Variants in SFI1 observed in about 807,000 individuals in gnomAD.
The protein encoded by SFI1 is protein SFI1 homolog.
Under a neutral mutation model 207.5 loss-of-function variants are expected in SFI1, and 195 were observed. The ratio of observed to expected loss-of-function variants is 0.94; its 90% CI spans 0.84 to 1.06. The LOEUF is 1.06. Among genes scored for constraint, SFI1 ranks in the 50% least tolerant of loss-of-function variants. The pLI, the probability that SFI1 is intolerant of heterozygous loss-of-function variation, is 0.00. For missense variants in SFI1, 1,634 were observed against 1,588.0 expected (o/e 1.03, Z -0.49); for synonymous variants, 630 against 598.9 (o/e 1.05, Z -0.76).
At position 31,556,800 on chromosome 22, in the gene SFI1, G is replaced by A. The variant is rs530999061; in HGVS notation, c.545-142G>A. ...TTCTTGCACTCTAATTAATTTTCTA[G>A]TGCTTCACAACTTTTCCAGCAGGGG... On this transcript the variant is annotated intron_variant, in intron 6 of 32. Coordinates refer to ENST00000400288, the MANE Select transcript of SFI1 (RefSeq NM_001007467.3). 2.0e-4 allele frequency: 104 copies of A among 529,486 alleles called. 1 individual carries two copies. In the South Asian group the frequency reaches 2.7e-3, roughly 14 times the overall value. 32.8% of individuals were successfully genotyped at this position (529,486 alleles called of 1,614,324 possible). A position where few individuals can be genotyped will look rare whatever the true frequency, so the allele number is the denominator to read the frequency against.
intron 15 of SFI1, among the ~76,000 whole-genome samples, chr22:31,599,516 A>C (rs532887161): frequency 6.6e-5 from 10 of 152,176 alleles, no homozygotes; most frequent in African/African-American, 2.4e-4. Flanking sequence ...TAGTAGAGAC[A>C]GGGTTTCACC....
At chr22:31,533,254 G>A (rs189516482) in intron 4 of SFI1, among the ~76,000 whole-genome samples, 3 of 152,268 alleles carry the variant, frequency 2.0e-5, no homozygotes, top group African/African-American at 4.8e-5. Flanking sequence ...CGGGCCGGGC[G>A]TGGTGGCTCC....
intron 15 of SFI1, among the ~76,000 whole-genome samples, chr22:31,593,981 C>T (rs1317137812): frequency 6.1e-5 from 5 of 82,136 alleles, no homozygotes; most frequent in East Asian, 7.5e-4. Context: ...CATGGGGAGA[C>T]GGAGACGAGG....
intron 15 of SFI1, among the ~76,000 whole-genome samples, chr22:31,596,146 C>T (rs935978977): frequency 6.6e-5 from 10 of 151,998 alleles, no homozygotes; most frequent in Admixed American, 6.6e-4. Flanking sequence ...CCAGCTACTC[C>T]GGAGGCTGAG....
intron 8 of SFI1, among the ~76,000 whole-genome samples, chr22:31,563,505 C>T (rs978347392): frequency 1.3e-5 from 2 of 152,130 alleles, no homozygotes; most frequent in African/African-American, 2.4e-5. Context: ...TTCTAAGAGC[C>T]ACTTTGAGAG....
chr22:31,497,058 C>G (rs1449478678), intron 1 of SFI1, among the ~76,000 whole-genome samples: 1 of 152,182 alleles, frequency 6.6e-6, no homozygotes, highest in Admixed American at 6.5e-5. Flanking sequence ...GACCTTACTC[C>G]CACTGAGCCC....
intron 24 of SFI1, 89 bp from the exon 25 acceptor site, chr22:31,613,053 C>A: frequency 7.0e-7 from 1 of 1,421,970 alleles, no homozygotes; most frequent in South Asian, 1.3e-5. Flanking sequence ...AGAGAGGGAG[C>A]CAAGAGGGAC....
intron 2 of SFI1, among the ~76,000 whole-genome samples, chr22:31,511,802 G>T (rs1372872552): frequency 2.0e-5 from 3 of 151,900 alleles, no homozygotes; most frequent in Non-Finnish European, 4.4e-5. Context: ...ACAGGTACAT[G>T]CCACCACGCC....
intron 22 of SFI1, among the ~76,000 whole-genome samples, chr22:31,609,985 C>A (rs2069792635): frequency 6.6e-6 from 1 of 152,206 alleles, no homozygotes; most frequent in South Asian, 2.1e-4. Context: ...GAAGGACTTT[C>A]CTTAGAGGGA....
chr22:31,528,639 A>C (rs1275052367), intron 2 of SFI1, 51 bp from the exon 3 acceptor site: 2 of 1,527,404 alleles, frequency 1.3e-6, no homozygotes, highest in African/African-American at 2.7e-5. Context: ...TTTGCATCAC[A>C]TGCAGAGATA....
chr22:31,550,361 A>G lies in SFI1; in HGVS notation c.544+13A>G. The G allele has an allele frequency of 6.2e-7, 1 of 1,609,180 alleles. No individual in the cohort carries two copies. Among genetic ancestry groups the G allele is most frequent in the Non-Finnish European group, 8.5e-7 (1 of 1,175,742 alleles). ...GCCGAGGTTCATGGTGAGAAAAAGA[A>G]GTCCATGTCTGAAGAAGATGCCCAC... On this transcript the variant is annotated intron_variant, in intron 6 of 32. Transcript: ENST00000400288.
chr22:31,591,807 C>A (rs888468512), intron 15 of SFI1, among the ~76,000 whole-genome samples: 1 of 63,232 alleles, frequency 1.6e-5, no homozygotes, highest in Non-Finnish European at 2.9e-5. Flanking sequence ...CCGGACGGGG[C>A]GGCTGGCCGG....
chr22:31,608,881 C>G, intron 22 of SFI1, among the ~76,000 whole-genome samples: 1 of 152,082 alleles, frequency 6.6e-6, no homozygotes, highest in South Asian at 2.1e-4. Context: ...TGGTACACAC[C>G]TATAGTCCCA....
At chr22:31,573,846 C>T (rs988636241) in intron 9 of SFI1, among the ~76,000 whole-genome samples, 2 of 152,082 alleles carry the variant, frequency 1.3e-5, no homozygotes, top group African/African-American at 4.8e-5. Flanking sequence ...CTTTTTTCCA[C>T]ACAGTTAATC....
Position 31,527,049 on chromosome 22 carries a change from A to C in SFI1, c.93-1641A>C, listed in dbSNP as rs557324712. Among the ~76,000 whole-genome samples, 214 of 152,074 alleles carry C rather than the reference A, an allele frequency of 1.4e-3. 9 individuals carry two copies. In the South Asian group the frequency reaches 0.042, roughly 30 times the overall value. The stretch of plus-strand genomic sequence containing the variant: ...GTAGCTGAGATTACAGGCACCCGCC[A>C]CCACATCCGGCTGACTTTTGTATTT... On this transcript the variant is annotated intron_variant, in intron 2 of 32. Coordinates refer to ENST00000400288, the MANE Select transcript of SFI1 (RefSeq NM_001007467.3).
intron 17 of SFI1, among the ~76,000 whole-genome samples, chr22:31,603,281 T>C (rs529321613): frequency 3.5e-4 from 53 of 152,158 alleles, no homozygotes; most frequent in African/African-American, 1.2e-3. Flanking sequence ...TGGGCCCATA[T>C]TGTGATAGCT....
In SFI1 at chr22:31,511,138, T is replaced by G. The variant is rs141393286; in HGVS notation, c.92+2762T>G. On this transcript the variant is annotated intron_variant, in intron 2 of 32. Transcript: ENST00000400288. ...ATTCAGCAGGTATTATGGACCCTTC[T>G]TCCTGAGCAGAGCCATCTTTGTGCT... Among the ~76,000 whole-genome samples, 172 of 152,304 alleles carry G rather than the reference T, an allele frequency of 1.1e-3. 2 individuals carry two copies. The highest frequency in any genetic ancestry group is 3.4e-3 in the Middle Eastern group (1 of 294).
In SFI1 at chr22:31,580,377, T is replaced by TTC. The variant is rs762600230; in HGVS notation, c.1248+15_1248+16dup. ...GCATGGTGTCACGGTGAGGGTTGTCTTCTGTATCAAGGGACCTCTTCTGAA... is the reference window on the plus strand; with the variant it reads ...GCATGGTGTCACGGTGAGGGTTGTCTTCTCTGTATCAAGGGACCTCTTCTGAA... On this transcript the variant is annotated intron_variant, in intron 12 of 32. Coordinates refer to ENST00000400288, the MANE Select transcript of SFI1 (RefSeq NM_001007467.3). The TTC allele has an allele frequency of 4.3e-6, 7 of 1,609,884 alleles. No homozygotes were observed. The highest frequency in any genetic ancestry group is 6.0e-6 in the Non-Finnish European group (7 of 1,176,268).
chr22:31,583,948 T>C lies in SFI1; in HGVS notation c.1322T>C (p.Leu441Pro). ...AAGGAAAGAGAGCTGCTCCCCTTAC[T>C]GCATGCTGCCTGGGACCACTACAGG... Reference protein sequence around the residue: ...QKKERELLPLLHAAWDHYRIA... With the variant: ...QKKERELLPLPHAAWDHYRIA... Residue 441 changes from leucine (L) to proline (P), a missense_variant, in exon 13 of 33, where the codon CTG becomes CCG. Coordinates refer to ENST00000400288, the MANE Select transcript of SFI1 (RefSeq NM_001007467.3). 6.2e-7 allele frequency: 1 copy of C among 1,614,158 alleles called. No individual in the cohort carries two copies. Among genetic ancestry groups the C allele is most frequent in the Non-Finnish European group, 8.5e-7 (1 of 1,180,010 alleles).
Sources: gnomAD v4.1 joint callset for allele counts (sites outside exome capture counted in the v4.1 genomes callset) on GRCh38, gnomAD v4.1.1 for gene constraint, MANE v1.5 for transcripts, NCBI Gene and HGNC (gene_info 2026-07-23, HGNC 2026-07-21) for gene names.